Variants in NHSL2 observed in about 807,000 individuals in gnomAD.
NHSL2 encodes the protein NHS-like protein 2.
NHSL2 carries 27 observed loss-of-function variants against 53.4 expected under a neutral mutation model. The ratio of observed to expected loss-of-function variants is 0.51; its 90% CI spans 0.37 to 0.70. The LOEUF is 0.70. Among genes scored for constraint, NHSL2 ranks in the 30% least tolerant of loss-of-function variants. The pLI, the probability that NHSL2 is intolerant of heterozygous loss-of-function variation, is 0.00. For synonymous variants in NHSL2, 408 were observed against 404.1 expected (o/e 1.01, Z -0.12); for missense variants, 892 against 980.1 (o/e 0.91, Z 1.20).
intron 1 of NHSL2, among the ~76,000 whole-genome samples, chrX:71,992,002 G>C (rs926685458): frequency 6.2e-5 from 7 of 113,144 alleles, no homozygotes; most frequent in African/African-American, 2.3e-4. Flanking sequence ...CCTGGCCACA[G>C]GCAGGCAAGG....
chrX:71,925,489 C>T (rs1166892805), intron 1 of NHSL2, among the ~76,000 whole-genome samples: 1 of 108,142 alleles, frequency 9.2e-6, no homozygotes, highest in Non-Finnish European at 1.9e-5. Context: ...TGCAGTGGCG[C>T]GATCTCAGCT....
chrX:72,134,215 G>A lies in NHSL2; in HGVS notation c.561G>A (p.Leu187=). ...CTGCCAGGCGTCTGGAGTTTATATT[G>A]ATGGTGAGTTGCCTCATCCCCCACC... ...PQSARRLEFI[L]MPTKRQLSED... Residue 187 remains leucine, a synonymous_variant, in exon 3 of 8, where the codon TTG becomes TTA. Coordinates refer to ENST00000633930, the MANE Select transcript of NHSL2 (RefSeq NM_001013627.3). 1 of 1,165,195 alleles carries A rather than the reference G, an allele frequency of 8.6e-7. No individual in the cohort carries two copies. The highest frequency in any genetic ancestry group is 1.1e-6 in the Non-Finnish European group (1 of 871,085).
At chrX:71,955,346 G>T (rs2041838285) in intron 1 of NHSL2, among the ~76,000 whole-genome samples, 1 of 110,845 alleles carries the variant, frequency 9.0e-6, no homozygotes, top group South Asian at 3.9e-4. Context: ...ATTGGTAAAG[G>T]AAAATGACCC....
rs531561786 is a variant in NHSL2 at position 71,936,004 on chromosome X, G to A, written c.280+24637G>A. On this transcript the variant is annotated intron_variant, in intron 1 of 7. Transcript: ENST00000633930. ...CTGGAAAGTCTGAAAGCCAGGTGTT[G>A]CCTATGAGTGTTTTGCGGAGGTAAA... Among the ~76,000 whole-genome samples the A allele has an allele frequency of 5.3e-4, 59 of 112,236 alleles. No individual in the cohort carries two copies. The Middle Eastern group carries it at 0.014, about 26-fold the overall frequency.
chrX:72,048,438 A>G (rs1453454472), intron 1 of NHSL2, among the ~76,000 whole-genome samples: 1 of 110,582 alleles, frequency 9.0e-6, no homozygotes, highest in Non-Finnish European at 1.9e-5. Context: ...TTTGGGGAAA[A>G]GTGACAGAGC....
chrX:71,978,207 G>A (rs192553292), intron 1 of NHSL2, among the ~76,000 whole-genome samples: 1 of 112,415 alleles, frequency 8.9e-6, no homozygotes, highest in African/African-American at 3.2e-5. Context: ...GAAATCATTA[G>A]GCATCCCTTA....
intron 1 of NHSL2, among the ~76,000 whole-genome samples, chrX:71,917,853 G>A (rs965508460): frequency 9.0e-6 from 1 of 111,463 alleles, no homozygotes; most frequent in Admixed American, 9.5e-5. Context: ...AGGAGAGGGA[G>A]CAAGGCACCT....
intron 1 of NHSL2, among the ~76,000 whole-genome samples, chrX:72,079,238 A>G (rs961327624): frequency 2.7e-5 from 3 of 112,892 alleles, no homozygotes; most frequent in Non-Finnish European, 5.6e-5. Flanking sequence ...ACAAAGAGAA[A>G]CAAATTGGAA....
At chrX:71,962,579 T>A (rs1434286130) in intron 1 of NHSL2, among the ~76,000 whole-genome samples, 3 of 109,905 alleles carry the variant, frequency 2.7e-5, no homozygotes, top group Non-Finnish European at 3.8e-5. Flanking sequence ...ATAATTTTTT[T>A]AAAATTTCTG....
chrX:72,057,526 C>G (rs1296550359), intron 1 of NHSL2, among the ~76,000 whole-genome samples: 1 of 111,818 alleles, frequency 8.9e-6, no homozygotes, highest in Non-Finnish European at 1.9e-5. Context: ...CATTTTACTT[C>G]TCCCTTCCTC....
Position 71,928,719 on chromosome X carries a change from G to A in NHSL2, c.280+17352G>A, listed in dbSNP as rs765515566. Among the ~76,000 whole-genome samples, 3 of 111,413 alleles carry A rather than the reference G, an allele frequency of 2.7e-5. No individual in the cohort carries two copies. The South Asian group carries it at 1.1e-3, about 43-fold the overall frequency. On this transcript the variant is annotated intron_variant, in intron 1 of 7. Transcript: ENST00000633930. ...CTCTTTTTGGGACCCCAGGGAAGCA[G>A]ATGGTACAGAAGCATAAACTTGGGC... is the stretch of plus-strand genomic sequence containing the variant.
At chrX:72,123,098 G>A (rs1049643267) in intron 1 of NHSL2, among the ~76,000 whole-genome samples, 7 of 111,977 alleles carry the variant, frequency 6.3e-5, no homozygotes, top group Admixed American at 1.9e-4. Flanking sequence ...CGGAGGAAGT[G>A]GTCTTGGAAC....
chrX:71,943,269 T>G (rs754703234), intron 1 of NHSL2, among the ~76,000 whole-genome samples: 57 of 112,135 alleles, frequency 5.1e-4, no homozygotes, highest in African/African-American at 1.6e-3. Context: ...TCTCTTGCAC[T>G]GTGCTCCTTC....
chrX:71,983,520 G>A (rs1417507482), intron 1 of NHSL2, among the ~76,000 whole-genome samples: 2 of 109,626 alleles, frequency 1.8e-5, no homozygotes, highest in Non-Finnish European at 3.8e-5. Flanking sequence ...CTGAGGTGTG[G>A]AGATTACTCT....
At chrX:71,964,045 A>ATATATATATATG (rs1569467159) in intron 1 of NHSL2, among the ~76,000 whole-genome samples, 26 of 72,736 alleles carry the variant, frequency 3.6e-4, no homozygotes, top group South Asian at 1.3e-3. Context: ...ATATATATGT[A>ATATATATATATG]TATATATATA....
intron 1 of NHSL2, among the ~76,000 whole-genome samples, chrX:71,935,368 AG>A (rs1450889836): frequency 4.5e-5 from 5 of 112,301 alleles, no homozygotes; most frequent in African/African-American, 1.6e-4. Flanking sequence ...TTTCCAGCCT[AG>A]GGAAATGTGA....
In NHSL2 at chrX:72,147,677, T is replaced by C. The variant is rs2042474675; in HGVS notation, c.*4103T>C. On this transcript the variant is annotated 3_prime_UTR_variant, in exon 8 of 8. Transcript: ENST00000633930. ...AAAGAGTGACTGAGTTGACGGTCTG[T>C]CACCAGGATCCTCCCTCTCCTCTTT... 1 of 111,946 alleles carries C rather than the reference T, an allele frequency of 8.9e-6. No homozygotes were observed. The highest frequency in any genetic ancestry group is 3.3e-5 in the African/African-American group (1 of 30,711). 9.2% of individuals were successfully genotyped at this position (111,946 alleles called of 1,213,427 possible).
chrX:72,081,951 G>C (rs184768876), intron 1 of NHSL2, among the ~76,000 whole-genome samples: 2 of 112,217 alleles, frequency 1.8e-5, no homozygotes, highest in Admixed American at 9.4e-5. Context: ...GACCTCGACA[G>C]ACAGAGGCCA....
chrX:72,076,200 C>G lies in NHSL2; in HGVS notation c.281-55879C>G, dbSNP rs763547814. ...TGCCTGCCTTGGCCTCCCAAAGTGC[C>G]GGGATTATAGATGTGAGCCACCGAG... On this transcript the variant is annotated intron_variant, in intron 1 of 7. Coordinates refer to ENST00000633930, the MANE Select transcript of NHSL2 (RefSeq NM_001013627.3). Among the ~76,000 whole-genome samples the G allele has an allele frequency of 1.1e-3, 126 of 110,680 alleles. 1 individual carries two copies. The highest frequency in any genetic ancestry group is 3.9e-3 in the African/African-American group (119 of 30,373).
Sources: allele counts gnomAD v4.1 joint callset (sites outside exome capture counted in the v4.1 genomes callset), GRCh38; gene constraint gnomAD v4.1.1; transcripts MANE v1.5; gene names NCBI Gene and HGNC (gene_info 2026-07-23, HGNC 2026-07-21).